AOAH: variants seen among roughly 807,000 people sequenced by gnomAD.
The protein encoded by AOAH is acyloxyacyl hydrolase (neutrophil).
In AOAH, 64 loss-of-function variants were observed where a neutral mutation model predicts 92.2. That is an observed-to-expected ratio of 0.69 (90% confidence interval 0.57 to 0.86). AOAH has a LOEUF of 0.86. Ranked by LOEUF, AOAH falls within the 40% of genes least tolerant of loss-of-function variation. AOAH has a pLI of 0.00. For synonymous variants in AOAH, 263 were observed against 254.5 expected (o/e 1.03, Z -0.32); for missense variants, 656 against 694.6 (o/e 0.94, Z 0.62).
intron 1 of AOAH, among the ~76,000 whole-genome samples, chr7:36,712,146 G>A (rs76297906): frequency 0.01 from 1,567 of 152,308 alleles, 13 homozygotes; most frequent in Non-Finnish European, 0.015. Context: ...TGTTGGCTCT[G>A]TCTAAATCCT....
chr7:36,631,928 T>C, intron 6 of AOAH, 108 bp downstream of exon 6: 1 of 794,622 alleles, frequency 1.3e-6, no homozygotes, highest in Non-Finnish European at 2.1e-6. Flanking sequence ...ACTCTCACCT[T>C]CAGGGATGCC....
chr7:36,594,063 A>G (rs377484506), intron 12 of AOAH, among the ~76,000 whole-genome samples: 3 of 152,220 alleles, frequency 2.0e-5, no homozygotes, highest in South Asian at 4.1e-4. Context: ...TTTTCCTTGA[A>G]TCAGAAAATT....
intron 2 of AOAH, among the ~76,000 whole-genome samples, chr7:36,679,293 T>C (rs1022356572): frequency 6.7e-6 from 1 of 150,320 alleles, no homozygotes; most frequent in Non-Finnish European, 1.5e-5. Context: ...AATAAATATA[T>C]ATATAAAAAA....
intron 12 of AOAH, among the ~76,000 whole-genome samples, chr7:36,588,781 G>C (rs1165116345): frequency 1.3e-5 from 2 of 152,150 alleles, no homozygotes; most frequent in Non-Finnish European, 2.9e-5. Context: ...CTCACTAAAG[G>C]TGTGTTTAAA....
At chr7:36,592,379 T>A (rs989236279) in intron 12 of AOAH, among the ~76,000 whole-genome samples, 2 of 152,164 alleles carry the variant, frequency 1.3e-5, no homozygotes, top group African/African-American at 4.8e-5. Context: ...AAGTCCCAGA[T>A]GTCTGTGCTT....
rs756590051 is a variant in AOAH at position 36,623,199 on chromosome 7, G to A, written c.573C>T (p.Ser191=). The A allele has an allele frequency of 7.4e-6, 12 of 1,613,600 alleles. No individual in the cohort carries two copies. The highest frequency in any genetic ancestry group is 2.2e-5 in the East Asian group (1 of 44,874). The change falls in exon 7 of 21, where the codon AGC becomes AGT. Residue 191 remains serine (S), a synonymous_variant. Coordinates refer to ENST00000617537, the MANE Select transcript of AOAH (RefSeq NM_001637.4). ...TCCTAACAATACTTACTGGGAAAAC[G>A]CTGTATTTGTCTGAATCCACATCTT... ...PFKDVDSDKY[S]VFPTLRGYHW...
intron 12 of AOAH, among the ~76,000 whole-genome samples, chr7:36,589,713 A>G (rs1789612458): frequency 6.6e-6 from 1 of 152,184 alleles, no homozygotes; most frequent in African/African-American, 2.4e-5. Context: ...TTATAACTGA[A>G]AATACAGACT....
At chr7:36,722,945 A>AG (rs1799736199) in intron 1 of AOAH, among the ~76,000 whole-genome samples, 1 of 147,662 alleles carries the variant, frequency 6.8e-6, no homozygotes. Context: ...GAAAAAAAAA[A>AG]AAAAAAAAAA....
chr7:36,652,136 A>T (rs1208229217), intron 4 of AOAH, among the ~76,000 whole-genome samples: 2 of 152,156 alleles, frequency 1.3e-5, no homozygotes, highest in Admixed American at 1.3e-4. Context: ...GCAGAAGAAT[A>T]TAAGATAACA....
At chr7:36,579,845 A>T (rs1056449283) in intron 12 of AOAH, among the ~76,000 whole-genome samples, 1 of 152,184 alleles carries the variant, frequency 6.6e-6, no homozygotes, top group Non-Finnish European at 1.5e-5. Context: ...ACACCCTCAC[A>T]GACACACCCA....
At chr7:36,593,837 G>A (rs1291486475) in intron 12 of AOAH, among the ~76,000 whole-genome samples, 2 of 152,278 alleles carry the variant, frequency 1.3e-5, no homozygotes, top group East Asian at 3.9e-4. Flanking sequence ...AGGTGTCCCT[G>A]CCAAGTGTGG....
chr7:36,722,935 GAAAAAAAAAAA>G (rs11407908), intron 1 of AOAH, among the ~76,000 whole-genome samples: 10 of 49,506 alleles, frequency 2.0e-4, no homozygotes, highest in African/African-American at 5.5e-4. Flanking sequence ...ATCCATCTCA[GAAAAAAAAAAA>G]AAAAAAAAAA....
intron 1 of AOAH, among the ~76,000 whole-genome samples, chr7:36,697,298 A>G (rs567363737): frequency 1.1e-3 from 168 of 152,224 alleles, no homozygotes; most frequent in Non-Finnish European, 1.9e-3. Flanking sequence ...TATTGGGCTG[A>G]CAATGTAATT....
intron 15 of AOAH, 58 bp downstream of exon 15, chr7:36,548,554 G>A (rs1016455250): frequency 6.4e-6 from 9 of 1,415,054 alleles, no homozygotes; most frequent in East Asian, 2.3e-5. Flanking sequence ...GGTGAGGAGA[G>A]GGTGGGGAAG....
chr7:36,518,805 G>C (rs1783961436), intron 20 of AOAH, among the ~76,000 whole-genome samples: 1 of 152,150 alleles, frequency 6.6e-6, no homozygotes, highest in Non-Finnish European at 1.5e-5. Flanking sequence ...TTGTAATACA[G>C]CATGATGCTT....
chr7:36,519,181 G>A (rs1369425786), intron 20 of AOAH, among the ~76,000 whole-genome samples: 1 of 152,152 alleles, frequency 6.6e-6, no homozygotes, highest in Non-Finnish European at 1.5e-5. Context: ...CAGGATCAAG[G>A]TCAAGCCCCA....
Position 36,548,413 on chromosome 7 carries a change from T to C in AOAH, c.1133+199A>G, listed in dbSNP as rs192041699. Among the ~76,000 whole-genome samples the C allele has an allele frequency of 2.9e-3, 442 of 152,296 alleles. 2 individuals are homozygous for C. The highest frequency in any genetic ancestry group is 6.8e-3 in the Middle Eastern group (2 of 294). The stretch of plus-strand genomic sequence containing the variant: ...GTTGGCCAGGCTGGTCTCCAACTCC[T>C]GACCTCAGGTGATCTGCCCACCTCG... On this transcript the variant is annotated intron_variant, in intron 15 of 20. Transcript: ENST00000617537.
At chr7:36,529,704 T>A (rs1261107651) in intron 19 of AOAH, among the ~76,000 whole-genome samples, 2 of 152,182 alleles carry the variant, frequency 1.3e-5, no homozygotes, top group Non-Finnish European at 1.5e-5. Flanking sequence ...GGCTTTGCTC[T>A]TGTATAAAAA....
intron 20 of AOAH, chr7:36,514,706 G>T: frequency 1.4e-6 from 1 of 723,478 alleles, no homozygotes; most frequent in Non-Finnish European, 2.3e-6. Context: ...ATTGCTGAAG[G>T]CCTGCCAGAG....
Sources: allele counts gnomAD v4.1 joint callset (sites outside exome capture counted in the v4.1 genomes callset), GRCh38; gene constraint gnomAD v4.1.1; transcripts MANE v1.5; gene names NCBI Gene and HGNC (gene_info 2026-07-23, HGNC 2026-07-21).